The following GALNTL6 variants were observed in gnomAD, a reference collection of about 807,000 sequenced individuals.
The protein encoded by GALNTL6 is polypeptide N-acetylgalactosaminyltransferase-like 6.
GALNTL6 carries 46 observed loss-of-function variants against 73.7 expected under a neutral mutation model. That is an observed-to-expected ratio of 0.62 (90% CI 0.49 to 0.80). The LOEUF is 0.80. GALNTL6 is among the 30% of genes least tolerant of loss of function. The pLI, the probability that GALNTL6 is intolerant of heterozygous loss-of-function variation, is 0.00. For missense variants in GALNTL6, 604 were observed against 755.0 expected (o/e 0.80, Z 2.34); for synonymous variants, 259 against 263.7 (o/e 0.98, Z 0.17).
At chr4:172,792,468 G>A (rs1286452377) in intron 5 of GALNTL6, among the ~76,000 whole-genome samples, 1 of 151,968 alleles carries the variant, frequency 6.6e-6, no homozygotes, top group Non-Finnish European at 1.5e-5. Flanking sequence ...TGAAGTCCTG[G>A]AAGTATGGGG....
chr4:172,026,147 A>T (rs1273421428), intron 2 of GALNTL6, among the ~76,000 whole-genome samples: 1 of 152,068 alleles, frequency 6.6e-6, no homozygotes, highest in Non-Finnish European at 1.5e-5. Context: ...TAATTTGCTC[A>T]CTCATATAAT....
chr4:172,632,548 A>T (rs1298091810), intron 5 of GALNTL6, among the ~76,000 whole-genome samples: 1 of 152,218 alleles, frequency 6.6e-6, no homozygotes, highest in East Asian at 1.9e-4. Context: ...CTGGCATAAC[A>T]GATTTCTAAG....
rs1733700240 is a variant in GALNTL6 at position 172,138,488 on chromosome 4, TATATATATATATATATATATA to T, written c.139-91167_139-91147del. On this transcript the variant is annotated intron_variant, in intron 2 of 12. Transcript: ENST00000506823. ...TTTACTTGGACTGCCTATATATATATATATATATATATATATATATATATATTTTTTTTTTTTTTTTTTTTT... is the reference window on the plus strand; with the variant it reads ...TTTACTTGGACTGCCTATATATATATTATATTTTTTTTTTTTTTTTTTTTT... Among the ~76,000 whole-genome samples the T allele has an allele frequency of 1.3e-3, 8 of 6,006 alleles. 1 individual carries two copies. The highest frequency in any genetic ancestry group is 2.8e-3 in the African/African-American group (7 of 2,458). 3.9% of individuals were successfully genotyped at this position (6,006 alleles called of 152,430 possible). A position where few individuals can be genotyped will look rare whatever the true frequency, so the allele number is the denominator to read the frequency against.
intron 2 of GALNTL6, among the ~76,000 whole-genome samples, chr4:171,863,283 T>C (rs1200922062): frequency 2.6e-5 from 4 of 152,220 alleles, no homozygotes; most frequent in African/African-American, 9.6e-5. Context: ...TTTTTTATGA[T>C]CAATGTCAAT....
chr4:171,947,408 C>G (rs1738736347), intron 2 of GALNTL6, among the ~76,000 whole-genome samples: 1 of 151,732 alleles, frequency 6.6e-6, no homozygotes, highest in African/African-American at 2.4e-5. Flanking sequence ...TTTTGCCTGC[C>G]TTACCAGTAG....
intron 7 of GALNTL6, among the ~76,000 whole-genome samples, chr4:172,857,015 A>G (rs376820713): frequency 2.0e-5 from 3 of 152,268 alleles, no homozygotes; most frequent in South Asian, 2.1e-4. Context: ...AGTTCATCCT[A>G]TTTGCCACTG....
chr4:172,751,769 G>A (rs915911940), intron 5 of GALNTL6, among the ~76,000 whole-genome samples: 4 of 152,216 alleles, frequency 2.6e-5, no homozygotes, highest in Non-Finnish European at 4.4e-5. Context: ...TTGAAAGACT[G>A]CACAAAGCAG....
At chr4:171,899,014 G>A (rs1737004591) in intron 2 of GALNTL6, among the ~76,000 whole-genome samples, 1 of 140,640 alleles carries the variant, frequency 7.1e-6, no homozygotes, top group South Asian at 2.3e-4. Context: ...ACATTCAGGG[G>A]CATTTTATCA....
At chr4:171,963,020 C>A (rs2111050339) in intron 2 of GALNTL6, among the ~76,000 whole-genome samples, 2 of 151,326 alleles carry the variant, frequency 1.3e-5, no homozygotes, top group South Asian at 4.2e-4. Flanking sequence ...CCCACCTTGG[C>A]CTCCCAAAGT....
chr4:171,837,566 T>C (rs930871490), intron 2 of GALNTL6, among the ~76,000 whole-genome samples: 1 of 147,350 alleles, frequency 6.8e-6, no homozygotes, highest in African/African-American at 2.5e-5. Flanking sequence ...TAAATACATA[T>C]TATATATTAA....
At chr4:172,366,639 A>G (rs1191094584) in intron 5 of GALNTL6, among the ~76,000 whole-genome samples, 1 of 152,182 alleles carries the variant, frequency 6.6e-6, no homozygotes, top group African/African-American at 2.4e-5. Flanking sequence ...TAACAAATAG[A>G]AACAAATACC....
intron 2 of GALNTL6, among the ~76,000 whole-genome samples, chr4:171,850,635 A>G (rs1191402690): frequency 6.6e-6 from 1 of 152,176 alleles, no homozygotes; most frequent in Admixed American, 6.5e-5. Flanking sequence ...ATAATTTAGC[A>G]TTTCATTACG....
intron 5 of GALNTL6, among the ~76,000 whole-genome samples, chr4:172,569,173 G>A (rs983071443): frequency 1.3e-5 from 2 of 152,130 alleles, no homozygotes; most frequent in Non-Finnish European, 2.9e-5. Context: ...GTTTCTCATA[G>A]TTCTGGAGCC....
At position 172,070,135 on chromosome 4, in the gene GALNTL6, G is replaced by A. The variant is rs1056050277; in HGVS notation, c.139-159521G>A. On this transcript the variant is annotated intron_variant, in intron 2 of 12. Coordinates refer to ENST00000506823, the MANE Select transcript of GALNTL6 (RefSeq NM_001034845.3). ...TCTAGAAGTGGTGTGTTCTGAAAAC[G>A]GAAAGGATGCATTCTGGCTGGAACA... Among the ~76,000 whole-genome samples the A allele has an allele frequency of 1.2e-4, 13 of 109,174 alleles. 3 individuals carry two copies. Among genetic ancestry groups the A allele is most frequent in the African/African-American group, 3.8e-4 (11 of 28,952 alleles). The allele number at this position is 109,174 out of a possible 152,430, so 71.6% of individuals were successfully genotyped here.
chr4:171,898,891 A>G (rs567937005), intron 2 of GALNTL6, among the ~76,000 whole-genome samples: 1 of 152,178 alleles, frequency 6.6e-6, no homozygotes, highest in East Asian at 1.9e-4. Context: ...GGGGAACAAT[A>G]AGCTATTTGC....
chr4:171,904,329 G>A (rs570767106), intron 2 of GALNTL6, among the ~76,000 whole-genome samples: 12 of 152,016 alleles, frequency 7.9e-5, no homozygotes, highest in East Asian at 5.8e-4. Context: ...ACCAAGGCTC[G>A]AGAACTACAT....
At chr4:171,887,126 G>A (rs1489357713) in intron 2 of GALNTL6, among the ~76,000 whole-genome samples, 2 of 152,144 alleles carry the variant, frequency 1.3e-5, no homozygotes, top group Non-Finnish European at 2.9e-5. Context: ...ATTATCACAT[G>A]ACAAATGGCA....
Position 172,778,748 on chromosome 4 carries a change from T to C in GALNTL6, c.554-30613T>C, listed in dbSNP as rs183813226. Among the ~76,000 whole-genome samples, 8 of 152,294 alleles carry C rather than the reference T, an allele frequency of 5.3e-5. No individual in the cohort carries two copies. The East Asian group carries it at 1.5e-3, about 29-fold the overall frequency. On this transcript the variant is annotated intron_variant, in intron 5 of 12. Transcript: ENST00000506823. ...TGGACAACTTCAGTGTATTGCAGGA[T>C]TGCAAAACAGAACAGTTCCAGTTAT...
intron 5 of GALNTL6, among the ~76,000 whole-genome samples, chr4:172,623,944 T>A (rs1323123670): frequency 6.6e-6 from 1 of 152,166 alleles, no homozygotes; most frequent in Non-Finnish European, 1.5e-5. Flanking sequence ...TGCATTTTAC[T>A]TTAATTCATC....
Sources: allele counts gnomAD v4.1 joint callset (sites outside exome capture counted in the v4.1 genomes callset), GRCh38; gene constraint gnomAD v4.1.1; transcripts MANE v1.5; gene names NCBI Gene and HGNC (gene_info 2026-07-23, HGNC 2026-07-21).